The following STX18 variants were observed in gnomAD, a reference collection of about 807,000 sequenced individuals.
STX18 encodes the protein syntaxin-18.
STX18 carries 40 observed loss-of-function variants against 50.1 expected under a neutral mutation model. That is an observed-to-expected ratio of 0.80 (90% CI 0.62 to 1.04). The LOEUF (loss-of-function observed/expected upper bound fraction) is 1.04, where lower values mean the gene tolerates loss of function less well. Among genes scored for constraint, STX18 ranks in the 50% least tolerant of loss-of-function variants. The probability of loss-of-function intolerance (pLI) is 0.00; values close to 1 mark genes in which losing one functional copy is unlikely to be tolerated. For missense variants in STX18, 410 were observed against 415.8 expected (o/e 0.99, Z 0.12); for synonymous variants, 158 against 151.8 (o/e 1.04, Z -0.30).
chr4:4,461,972 G>C (rs1445453911), intron 2 of STX18: 4 of 456,182 alleles, frequency 8.8e-6, no homozygotes, highest in Non-Finnish European at 1.8e-5. Flanking sequence ...TGTCCCTGCT[G>C]TCTGTGCTCC....
chr4:4,471,195 G>A (rs193028716), intron 2 of STX18, among the ~76,000 whole-genome samples: 1 of 152,294 alleles, frequency 6.6e-6, no homozygotes, highest in East Asian at 1.9e-4. Flanking sequence ...GCGACGTGAG[G>A]GTAAGGACTG....
chr4:4,520,623 T>C (rs773916761), intron 1 of STX18, among the ~76,000 whole-genome samples: 34 of 152,192 alleles, frequency 2.2e-4, no homozygotes, highest in Non-Finnish European at 4.1e-4. Context: ...ATAAAATACA[T>C]CGTTGTACTT....
chr4:4,539,592 T>C (rs930877602), intron 1 of STX18, among the ~76,000 whole-genome samples: 2 of 152,204 alleles, frequency 1.3e-5, no homozygotes, highest in African/African-American at 4.8e-5. Flanking sequence ...GCCCATGAAC[T>C]CACTTAAGGT....
intron 1 of STX18, among the ~76,000 whole-genome samples, chr4:4,494,219 C>A (rs1437123258): frequency 1.3e-5 from 2 of 152,188 alleles, no homozygotes; most frequent in African/African-American, 2.4e-5. Flanking sequence ...ACTATTTGTA[C>A]ACTACATATT....
intron 1 of STX18, among the ~76,000 whole-genome samples, chr4:4,530,479 A>G (rs1731043481): frequency 6.6e-6 from 1 of 151,992 alleles, no homozygotes; most frequent in South Asian, 2.1e-4. Flanking sequence ...ATAATGCTGT[A>G]GTGTCTCTAT....
At chr4:4,435,067 A>C (rs1374862405) in intron 6 of STX18, among the ~76,000 whole-genome samples, 1 of 152,012 alleles carries the variant, frequency 6.6e-6, no homozygotes, top group Non-Finnish European at 1.5e-5. Context: ...AGGCACGTGC[A>C]TGTGTGTGTG....
intron 1 of STX18, among the ~76,000 whole-genome samples, chr4:4,520,622 ATCGTTGT>A (rs1185766305): frequency 5.3e-5 from 8 of 152,236 alleles, no homozygotes; most frequent in Non-Finnish European, 1.0e-4. Flanking sequence ...TATAAAATAC[ATCGTTGT>A]ACTTGTTCAG....
chr4:4,475,729 G>A (rs1168021054), intron 1 of STX18, among the ~76,000 whole-genome samples: 3 of 152,160 alleles, frequency 2.0e-5, no homozygotes, highest in Non-Finnish European at 4.4e-5. Flanking sequence ...CAATTCTGAC[G>A]TGCTCATTAC....
At chr4:4,475,999 T>C (rs1728157107) in intron 1 of STX18, 1 of 152,178 alleles carries the variant, frequency 6.6e-6, no homozygotes, top group Non-Finnish European at 1.5e-5. Context: ...TAGGAATAAG[T>C]ATATACATCA....
intron 7 of STX18, among the ~76,000 whole-genome samples, chr4:4,429,382 C>T (rs1442251282): frequency 6.6e-6 from 1 of 152,150 alleles, no homozygotes; most frequent in Non-Finnish European, 1.5e-5. Flanking sequence ...TATAGAAATC[C>T]TTTTCTAATC....
At chr4:4,503,720 G>A (rs986479417) in intron 1 of STX18, among the ~76,000 whole-genome samples, 1 of 152,078 alleles carries the variant, frequency 6.6e-6, no homozygotes, top group Non-Finnish European at 1.5e-5. Context: ...TGTGGGGAAA[G>A]TGAAATGGAA....
intron 1 of STX18, among the ~76,000 whole-genome samples, chr4:4,476,404 T>C (rs1465964969): frequency 6.6e-6 from 1 of 152,250 alleles, no homozygotes; most frequent in Non-Finnish European, 1.5e-5. Context: ...GAAACAGATA[T>C]TCTTAGTGGA....
intron 2 of STX18, among the ~76,000 whole-genome samples, chr4:4,460,393 C>T (rs1161182326): frequency 6.6e-6 from 1 of 151,820 alleles, no homozygotes; most frequent in Non-Finnish European, 1.5e-5. Context: ...ACCGATTTTT[C>T]CCCCCACCCC....
At chr4:4,475,917 G>A (rs932294897) in intron 1 of STX18, among the ~76,000 whole-genome samples, 3 of 152,058 alleles carry the variant, frequency 2.0e-5, no homozygotes, top group Admixed American at 6.6e-5. Flanking sequence ...CACCATATCC[G>A]GCCTATGTTT....
chr4:4,512,896 A>G (rs1191747205), intron 1 of STX18, among the ~76,000 whole-genome samples: 1 of 152,170 alleles, frequency 6.6e-6, no homozygotes, highest in Non-Finnish European at 1.5e-5. Context: ...TATACTTTTA[A>G]CATGCGACTC....
intron 1 of STX18, among the ~76,000 whole-genome samples, chr4:4,485,712 C>T (rs555173294): frequency 6.6e-6 from 1 of 152,288 alleles, no homozygotes; most frequent in East Asian, 1.9e-4. Context: ...CTGAAACAGG[C>T]ATTTCTTTTC....
chr4:4,453,959 A>G (rs764523604), intron 5 of STX18, among the ~76,000 whole-genome samples: 1 of 152,238 alleles, frequency 6.6e-6, no homozygotes, highest in Non-Finnish European at 1.5e-5. Flanking sequence ...CTGCTACAAG[A>G]TAAGTACAAA....
intron 7 of STX18, chr4:4,425,681 G>A (rs1725211530): frequency 6.3e-6 from 1 of 159,988 alleles, no homozygotes; most frequent in Non-Finnish European, 1.4e-5. Flanking sequence ...GAGGTGGGCA[G>A]CTTGGCCGAG....
At chr4:4,519,157 A>G (rs944593644) in intron 1 of STX18, among the ~76,000 whole-genome samples, 2 of 152,188 alleles carry the variant, frequency 1.3e-5, no homozygotes, top group Non-Finnish European at 2.9e-5. Flanking sequence ...ATTAAGCATG[A>G]TAAAGCTGAC....
Sources: allele counts gnomAD v4.1 joint callset (sites outside exome capture counted in the v4.1 genomes callset), GRCh38; gene constraint gnomAD v4.1.1; transcripts MANE v1.5; gene names NCBI Gene and HGNC (gene_info 2026-07-23, HGNC 2026-07-21).